HEATR5B: variants seen among roughly 807,000 people sequenced by gnomAD.
HEATR5B encodes HEAT repeat containing 5B.
Under a neutral mutation model 224.1 loss-of-function variants are expected in HEATR5B, and 156 were observed. The observed-to-expected ratio is 0.70, with a 90% CI of 0.61 to 0.80. HEATR5B has a LOEUF of 0.80. HEATR5B is among the 30% of genes least tolerant of loss of function. The pLI is 0.00. For synonymous variants in HEATR5B, 1,027 were observed against 893.0 expected (o/e 1.15, Z -2.68); for missense variants, 2,323 against 2,535.5 (o/e 0.92, Z 1.80).
chr2:37,038,931 T>C (rs1445384790), intron 20 of HEATR5B, among the ~76,000 whole-genome samples: 1 of 146,580 alleles, frequency 6.8e-6, no homozygotes, highest in Middle Eastern at 3.4e-3. Context: ...AATCACATAT[T>C]TTTCAATTTC....
chr2:37,076,221 T>C (rs1241203006), intron 4 of HEATR5B: 1 of 152,340 alleles, frequency 6.6e-6, no homozygotes, highest in Non-Finnish European at 1.5e-5. Context: ...GTCAGGACCA[T>C]CTTTGTATGT....
chr2:37,005,783 T>C lies in HEATR5B; in HGVS notation c.4778-24A>G, dbSNP rs773219969. ...ACCTGAAATGCACAAAATAAAAACA[T>C]GTTTTTTCACTTATAAAACACTTTA... is the stretch of plus-strand genomic sequence containing the variant. On this transcript the variant is annotated intron_variant, in intron 29 of 35. Transcript: ENST00000233099. The C allele has an allele frequency of 5.3e-6, 8 of 1,515,796 alleles. No homozygotes were observed. In the South Asian group the frequency reaches 1.0e-4, roughly 19 times the overall value. The allele number at this position is 1,515,796 out of a possible 1,614,324, so 93.9% of individuals were successfully genotyped here. A position where few individuals can be genotyped will look rare whatever the true frequency, so the allele number is the denominator to read the frequency against.
chr2:37,065,133 T>C (rs575105657), intron 9 of HEATR5B, 143 bp from the exon 10 acceptor site: 1 of 671,192 alleles, frequency 1.5e-6, no homozygotes, highest in South Asian at 2.0e-5. Flanking sequence ...TAAAACTACA[T>C]ACAGTAGAGT....
chr2:37,031,090 C>G (rs1669099148), intron 22 of HEATR5B, among the ~76,000 whole-genome samples: 1 of 152,236 alleles, frequency 6.6e-6, no homozygotes, highest in Non-Finnish European at 1.5e-5. Context: ...GAATACATTA[C>G]ACACATGCTG....
intron 20 of HEATR5B, 22 bp from the exon 21 acceptor site, chr2:37,038,046 T>G (rs546735001): frequency 5.6e-6 from 8 of 1,426,130 alleles, no homozygotes; most frequent in Non-Finnish European, 7.5e-6. Flanking sequence ...TGAAAGAAAA[T>G]ATAAAATATA....
At position 37,064,849 on chromosome 2, in the gene HEATR5B, T is replaced by C. The variant is rs755345079; in HGVS notation, c.1475A>G (p.Asn492Ser). Residue 492 changes from asparagine (N) to serine (S), a missense_variant, in exon 10 of 36, where the codon AAC becomes AGC. By Grantham distance (46) the Asn-to-Ser change is conservative. Transcript: ENST00000233099. ...PFLDRCAERL[N>S]NLKTSPEAVS... is the part of the protein sequence containing the mutation. Reference sequence around the variant, plus strand: ...AGCTTCTGGTGAGGTCTTCAAGTTGTTGAGCCGTTCTGCACACCTGTCTAG... The same window carrying C: ...AGCTTCTGGTGAGGTCTTCAAGTTGCTGAGCCGTTCTGCACACCTGTCTAG... The C allele has an allele frequency of 4.3e-6, 7 of 1,614,124 alleles. No individual in the cohort carries two copies. The South Asian group carries it at 4.4e-5, about 10-fold the overall frequency.
At chr2:37,017,482 C>G (rs752398042) in intron 26 of HEATR5B, among the ~76,000 whole-genome samples, 3 of 151,452 alleles carry the variant, frequency 2.0e-5, no homozygotes, top group South Asian at 4.2e-4. Flanking sequence ...GCCATGAGCT[C>G]GAGACCAGCC....
chr2:37,012,736 AAAG>A (rs371436443), intron 27 of HEATR5B, among the ~76,000 whole-genome samples: 79 of 152,264 alleles, frequency 5.2e-4, no homozygotes, highest in Non-Finnish European at 8.7e-4. Context: ...CTGAAGACAC[AAAG>A]AAGAAGAGTA....
chr2:36,986,051 A>C (rs1012280874), intron 35 of HEATR5B, among the ~76,000 whole-genome samples: 1 of 152,184 alleles, frequency 6.6e-6, no homozygotes, highest in Non-Finnish European at 1.5e-5. Flanking sequence ...CTGTAAAGGA[A>C]TTGATCCCAA....
chr2:36,998,698 TA>T (rs1666886336), intron 33 of HEATR5B, among the ~76,000 whole-genome samples: 1 of 152,184 alleles, frequency 6.6e-6, no homozygotes, highest in Non-Finnish European at 1.5e-5. Flanking sequence ...ATATGGGAGT[TA>T]AATGAGAGTT....
At chr2:37,034,590 G>A (rs1449120157) in intron 21 of HEATR5B, among the ~76,000 whole-genome samples, 11 of 128,368 alleles carry the variant, frequency 8.6e-5, no homozygotes, top group Admixed American at 8.2e-4. Context: ...TCCAGCCTGG[G>A]CGACACAGCG....
Position 37,037,836 on chromosome 2 carries a change from G to C in HEATR5B, c.3216+19C>G. ...AAATACAACTTAAAAATCAATGAAT[G>C]AAATAGCTCTATACTTACACAAAGG... On this transcript the variant is annotated intron_variant, in intron 21 of 35. Coordinates refer to ENST00000233099, the MANE Select transcript of HEATR5B (RefSeq NM_019024.3). The C allele has an allele frequency of 6.9e-7, 1 of 1,439,564 alleles. No individual in the cohort carries two copies. Among genetic ancestry groups the C allele is most frequent in the Non-Finnish European group, 9.2e-7 (1 of 1,085,820 alleles). 89.2% of individuals were successfully genotyped at this position (1,439,564 alleles called of 1,614,324 possible).
At chr2:37,039,936 T>C (rs1572867620) in intron 20 of HEATR5B, among the ~76,000 whole-genome samples, 1 of 152,306 alleles carries the variant, frequency 6.6e-6, no homozygotes. Context: ...CTAGATAATA[T>C]TTACCTTATG....
chr2:37,008,981 T>A, intron 27 of HEATR5B, 133 bp from the exon 28 acceptor site: 2 of 715,824 alleles, frequency 2.8e-6, no homozygotes, highest in East Asian at 5.4e-5. Context: ...ACACTTTGGC[T>A]GGGTGCGGTG....
At chr2:36,997,757 G>A (rs1188750245) in intron 33 of HEATR5B, among the ~76,000 whole-genome samples, 5 of 151,874 alleles carry the variant, frequency 3.3e-5, no homozygotes, top group Admixed American at 3.3e-4. Flanking sequence ...TAGTAGAGAC[G>A]GGGTTTCCCT....
intron 20 of HEATR5B, among the ~76,000 whole-genome samples, chr2:37,039,170 A>AG (rs1444397581): frequency 6.7e-6 from 1 of 149,840 alleles, no homozygotes; most frequent in South Asian, 2.1e-4. Context: ...TCTTAAAAAG[A>AG]GAAAAAAAAA....
At chr2:37,076,098 T>C (rs1157414929) in intron 4 of HEATR5B, 1 of 152,386 alleles carries the variant, frequency 6.6e-6, no homozygotes. Flanking sequence ...CTCAAACTGT[T>C]ATATCCATAT....
At chr2:37,075,797 G>T (rs1672193674) in intron 4 of HEATR5B, 163 bp from the exon 5 acceptor site, 2 of 453,424 alleles carry the variant, frequency 4.4e-6, no homozygotes, top group South Asian at 5.2e-5. Context: ...AAAGTACCTG[G>T]CAAGTAAGAA....
At chr2:36,984,200 C>CAAAAAAAAAA (rs1208435239) in intron 35 of HEATR5B, among the ~76,000 whole-genome samples, 465 of 28,930 alleles carry the variant, frequency 0.016, 53 homozygotes, top group African/African-American at 0.068. Context: ...AACTCTGTCT[C>CAAAAAAAAAA]AAAAAAAAAA....
Sources: allele counts gnomAD v4.1 joint callset (sites outside exome capture counted in the v4.1 genomes callset), GRCh38; gene constraint gnomAD v4.1.1; transcripts MANE v1.5; gene names NCBI Gene and HGNC (gene_info 2026-07-23, HGNC 2026-07-21).